RIPOR3: variants seen among roughly 807,000 people sequenced by gnomAD.
The protein encoded by RIPOR3 is RIPOR family member 3.
Under a neutral mutation model 114.3 loss-of-function variants are expected in RIPOR3, and 95 were observed. That is an observed-to-expected ratio of 0.83 (90% CI 0.70 to 0.99). The LOEUF is 0.99. Among genes scored for constraint, RIPOR3 ranks in the 50% least tolerant of loss-of-function variants. RIPOR3 has a pLI of 0.00. For synonymous variants in RIPOR3, 575 were observed against 543.8 expected, an observed-to-expected ratio of 1.06 and a Z score of -0.80; for missense variants, 1,252 against 1,266.9, an observed-to-expected ratio of 0.99 and a Z score of 0.18.
intron 2 of RIPOR3, 42 bp from the exon 3 acceptor site, chr20:50,620,174 C>T (rs1292313744): frequency 2.5e-6 from 4 of 1,601,830 alleles, no homozygotes; most frequent in Non-Finnish European, 3.4e-6. Flanking sequence ...AGAGAAGGGC[C>T]CTGACAAAGC....
chr20:50,666,847 A>AC (rs1304124661), intron 1 of RIPOR3, among the ~76,000 whole-genome samples: 4 of 152,202 alleles, frequency 2.6e-5, no homozygotes, highest in African/African-American at 7.2e-5. Context: ...GGCGTGAGTC[A>AC]CCGCGACCAG....
chr20:50,588,491 A>G (rs1229842156), intron 20 of RIPOR3, among the ~76,000 whole-genome samples: 1 of 152,212 alleles, frequency 6.6e-6, no homozygotes, highest in Non-Finnish European at 1.5e-5. Flanking sequence ...GAAAGCGGGC[A>G]TCCCCTCACA....
chr20:50,588,958 T>A (rs2426165), intron 20 of RIPOR3, among the ~76,000 whole-genome samples: 1,535 of 150,948 alleles, frequency 0.01, 40 homozygotes, highest in East Asian at 0.076. Flanking sequence ...GGTGGGCGCC[T>A]GTAGTCCCAG....
chr20:50,617,718 C>T (rs190767274), intron 3 of RIPOR3, among the ~76,000 whole-genome samples: 28 of 151,466 alleles, frequency 1.8e-4, no homozygotes, highest in Admixed American at 3.9e-4. Context: ...CCCCACCTCC[C>T]GGGTTCAAGT....
At position 50,630,822 on chromosome 20, in the gene RIPOR3, G is replaced by A; in HGVS notation, c.38C>T (p.Ser13Phe). Residue 13 changes from serine to phenylalanine, a missense_variant, in exon 2 of 22, where the codon TCC becomes TTC. Coordinates refer to ENST00000327979, the MANE Select transcript of RIPOR3 (RefSeq NM_001290268.2). ...CCCCACGGCCCCTGTGTCCCCAGGG[G>A]ACAGGAACCGCAACCTCACCGACAT... is the stretch of plus-strand genomic sequence containing the variant. ...TTMSVRLRFL[S>F]PGDTGAVGVV... 1.2e-6 allele frequency: 2 copies of A among 1,609,388 alleles called. No individual in the cohort carries two copies. The highest frequency in any genetic ancestry group is 1.1e-5 in the South Asian group (1 of 90,192).
At chr20:50,630,966 G>T in intron 1 of RIPOR3, 110 bp from the exon 2 acceptor site, 2 of 843,946 alleles carry the variant, frequency 2.4e-6, no homozygotes, top group Non-Finnish European at 3.8e-6. Context: ...GCCCCAGAGT[G>T]TTGTGGGGGC....
At position 50,610,878 on chromosome 20, in the gene RIPOR3, C is replaced by T. The variant is rs779626182; in HGVS notation, c.401G>A (p.Arg134Gln). 20 of 1,614,240 alleles carry T rather than the reference C, an allele frequency of 1.2e-5. 1 individual carries two copies. The highest frequency in any genetic ancestry group is 9.9e-5 in the South Asian group (9 of 91,082). ...CTTGCTGATGTGAAACTCCATCTTC[C>T]GAATGTGCCTTTCCACACAGCGCGT... ...KQTRCVERHI[R>Q]KMEFHISKVD... Residue 134 changes from arginine (R) to glutamine (Q), a missense_variant, in exon 6 of 22, where the codon CGG becomes CAG. Arg to Gln is a conservative substitution (Grantham distance 43, BLOSUM62 1). Coordinates refer to ENST00000327979, the MANE Select transcript of RIPOR3 (RefSeq NM_001290268.2).
At chr20:50,642,596 C>G (rs7268217) in intron 1 of RIPOR3, among the ~76,000 whole-genome samples, 3,128 of 151,636 alleles carry the variant, frequency 0.021, 99 homozygotes, top group African/African-American at 0.071. Flanking sequence ...CCATCTCCCC[C>G]CTCCCCCCAT....
chr20:50,640,856 T>C (rs2123324276), intron 1 of RIPOR3, among the ~76,000 whole-genome samples: 1 of 152,176 alleles, frequency 6.6e-6, no homozygotes, highest in South Asian at 2.1e-4. Context: ...GAAAATGTGT[T>C]ATTATATAAG....
chr20:50,682,504 G>T (rs936719829), intron 1 of RIPOR3, among the ~76,000 whole-genome samples: 1 of 150,728 alleles, frequency 6.6e-6, no homozygotes, highest in Non-Finnish European at 1.5e-5. Flanking sequence ...CTACCAGGGA[G>T]GCTGAGGTGG....
At chr20:50,595,704 C>T (rs1394845693) in intron 15 of RIPOR3, among the ~76,000 whole-genome samples, 200 bp from the exon 16 acceptor site, 1 of 151,986 alleles carries the variant, frequency 6.6e-6, no homozygotes, top group Non-Finnish European at 1.5e-5. Context: ...CACCTTTGCC[C>T]CCAGAAGGAG....
intron 11 of RIPOR3, among the ~76,000 whole-genome samples, chr20:50,607,949 C>A (rs1309594682): frequency 6.6e-6 from 1 of 152,192 alleles, no homozygotes; most frequent in Non-Finnish European, 1.5e-5. Flanking sequence ...AGGGAGTGAT[C>A]TCATGGACAT....
chr20:50,593,580 A>G (rs1028601950), intron 17 of RIPOR3, among the ~76,000 whole-genome samples: 2 of 152,102 alleles, frequency 1.3e-5, no homozygotes, highest in African/African-American at 2.4e-5. Flanking sequence ...CTCAAAAAAA[A>G]AAAGGGTTTC....
At chr20:50,588,968 G>C (rs2083017423) in intron 20 of RIPOR3, among the ~76,000 whole-genome samples, 1 of 150,840 alleles carries the variant, frequency 6.6e-6, no homozygotes, top group Non-Finnish European at 1.5e-5. Context: ...TGTAGTCCCA[G>C]TTGCTGGGGA....
chr20:50,641,834 C>A (rs946392492), intron 1 of RIPOR3, among the ~76,000 whole-genome samples: 13 of 152,202 alleles, frequency 8.5e-5, no homozygotes, highest in African/African-American at 2.9e-4. Flanking sequence ...CTGGAAGTGC[C>A]CGGCAGGACC....
At chr20:50,613,457 A>G (rs1257742056) in intron 4 of RIPOR3, among the ~76,000 whole-genome samples, 4 of 152,116 alleles carry the variant, frequency 2.6e-5, no homozygotes, top group Admixed American at 6.6e-5. Flanking sequence ...CATCCCGAAA[A>G]AAAAGAAAAG....
At chr20:50,619,202 G>A (rs1600590260) in intron 3 of RIPOR3, among the ~76,000 whole-genome samples, 1 of 152,004 alleles carries the variant, frequency 6.6e-6, no homozygotes. Flanking sequence ...AACCCAGGAG[G>A]CGGAGGTTGC....
chr20:50,588,398 C>T (rs891256640), intron 20 of RIPOR3, among the ~76,000 whole-genome samples: 2 of 152,242 alleles, frequency 1.3e-5, no homozygotes, highest in African/African-American at 4.8e-5. Context: ...GCTGATCCAT[C>T]CCAGAATGAA....
chr20:50,662,460 T>G (rs1252141591), intron 1 of RIPOR3, among the ~76,000 whole-genome samples: 5 of 152,192 alleles, frequency 3.3e-5, no homozygotes, highest in African/African-American at 7.2e-5. Context: ...AGGGCTAGCT[T>G]GGAGCCCAGG....
Sources: gnomAD v4.1 joint callset for allele counts (sites outside exome capture counted in the v4.1 genomes callset) on GRCh38, gnomAD v4.1.1 for gene constraint, MANE v1.5 for transcripts, NCBI Gene and HGNC (gene_info 2026-07-23, HGNC 2026-07-21) for gene names.